Variants in LRP1B observed in about 807,000 individuals in gnomAD.
The protein encoded by LRP1B is LDL receptor related protein 1B, also known as low-density lipoprotein receptor-related protein 1B.
LRP1B carries 217 observed loss-of-function variants against 556.6 expected under a neutral mutation model. The ratio of observed to expected loss-of-function variants is 0.39; its 90% CI spans 0.35 to 0.44. LRP1B has a LOEUF of 0.44. Ranked by LOEUF, LRP1B falls within the 20% of genes least tolerant of loss-of-function variation. The pLI, the probability that LRP1B is intolerant of heterozygous loss-of-function variation, is 1.00. For synonymous variants in LRP1B, 2,047 were observed against 1,865.8 expected (o/e 1.10, Z -2.50); for missense variants, 5,053 against 5,620.8 (o/e 0.90, Z 3.23).
At chr2:140,297,740 G>A (rs2105000022) in intron 84 of LRP1B, 68 bp downstream of exon 84, 1 of 1,484,006 alleles carries the variant, frequency 6.7e-7, no homozygotes, top group Admixed American at 1.9e-5. Context: ...AATGGAAGGA[G>A]TGGATACAGG....
intron 2 of LRP1B, among the ~76,000 whole-genome samples, chr2:141,509,083 G>A (rs1684031429): frequency 6.6e-6 from 1 of 152,024 alleles, no homozygotes; most frequent in African/African-American, 2.4e-5. Context: ...TTGCAACTCC[G>A]GGTATCCATG....
Position 141,280,199 on chromosome 2 carries a change from T to C in LRP1B, c.344-25558A>G, listed in dbSNP as rs145517084. Among the ~76,000 whole-genome samples, 5 of 152,224 alleles carry C rather than the reference T, an allele frequency of 3.3e-5. No individual in the cohort carries two copies. The East Asian group carries it at 9.7e-4, about 29-fold the overall frequency. Reference sequence around the variant, plus strand: ...ATACATGCACATGCTCTGAATTACATTGCCTTTCCCCAAAGTGACCACATA... The same window carrying C: ...ATACATGCACATGCTCTGAATTACACTGCCTTTCCCCAAAGTGACCACATA... On this transcript the variant is annotated intron_variant, in intron 3 of 90. Coordinates refer to ENST00000389484, the MANE Select transcript of LRP1B (RefSeq NM_018557.3).
intron 2 of LRP1B, among the ~76,000 whole-genome samples, chr2:141,706,159 A>C (rs1284016815): frequency 6.6e-6 from 1 of 152,006 alleles, no homozygotes; most frequent in Non-Finnish European, 1.5e-5. Flanking sequence ...CCTCCAATGC[A>C]ATCTTTTCTA....
At chr2:141,418,447 T>C (rs1230932750) in intron 3 of LRP1B, among the ~76,000 whole-genome samples, 1 of 149,584 alleles carries the variant, frequency 6.7e-6, no homozygotes, top group African/African-American at 2.5e-5. Context: ...TTTTTTTTTT[T>C]GCATGTGGAT....
intron 1 of LRP1B, among the ~76,000 whole-genome samples, chr2:141,887,858 C>T (rs1172465606): frequency 2.0e-5 from 3 of 152,138 alleles, no homozygotes; most frequent in Admixed American, 2.0e-4. Flanking sequence ...CATGAGCACA[C>T]TACTTTCTCA....
At chr2:141,405,047 C>T (rs1460193779) in intron 3 of LRP1B, among the ~76,000 whole-genome samples, 2 of 151,724 alleles carry the variant, frequency 1.3e-5, no homozygotes, top group South Asian at 2.1e-4. Context: ...GAGCAGAGAT[C>T]GCACTACTGC....
At chr2:140,769,815 T>C (rs1462191028) in intron 34 of LRP1B, among the ~76,000 whole-genome samples, 1 of 98,636 alleles carries the variant, frequency 1.0e-5, no homozygotes, top group East Asian at 3.6e-4. Context: ...ACTGATACTT[T>C]TAATAGACAT....
At chr2:141,933,826 A>T (rs1185223500) in intron 1 of LRP1B, among the ~76,000 whole-genome samples, 1 of 152,182 alleles carries the variant, frequency 6.6e-6, no homozygotes, top group African/African-American at 2.4e-5. Flanking sequence ...ATGCTTCTTT[A>T]GGTCATTAGC....
chr2:141,824,185 C>T (rs1178674135), intron 1 of LRP1B, among the ~76,000 whole-genome samples: 4 of 152,064 alleles, frequency 2.6e-5, no homozygotes, highest in African/African-American at 9.7e-5. Flanking sequence ...ATTGAATGTT[C>T]ATTATGTGCC....
chr2:141,834,975 A>G (rs1697224676), intron 1 of LRP1B, among the ~76,000 whole-genome samples: 1 of 151,990 alleles, frequency 6.6e-6, no homozygotes, highest in South Asian at 2.1e-4. Flanking sequence ...GACTTAGGAT[A>G]TAAAGTCAAG....
chr2:140,524,030 G>A (rs1315084917), intron 49 of LRP1B, among the ~76,000 whole-genome samples: 3 of 151,626 alleles, frequency 2.0e-5, no homozygotes, highest in Admixed American at 1.3e-4. Flanking sequence ...TATCAACAGA[G>A]TAAACAGGTA....
rs532536487 is a variant in LRP1B at position 140,770,172 on chromosome 2, A to G, written c.5626+709T>C. ...GGGATAATAAGAGAACTACCTCATG[A>G]GGTTATGAGGATTAAGTGAATTAAT... On this transcript the variant is annotated intron_variant, in intron 34 of 90. Coordinates refer to ENST00000389484, the MANE Select transcript of LRP1B (RefSeq NM_018557.3). Among the ~76,000 whole-genome samples, 9 of 152,006 alleles carry G rather than the reference A, an allele frequency of 5.9e-5. No homozygotes were observed. The East Asian group carries it at 1.7e-3, about 29-fold the overall frequency.
At chr2:140,408,286 T>A (rs1403153069) in intron 66 of LRP1B, among the ~76,000 whole-genome samples, 1 of 151,780 alleles carries the variant, frequency 6.6e-6, no homozygotes, top group Non-Finnish European at 1.5e-5. Flanking sequence ...ATAAAATTCA[T>A]CCATTTAATC....
At chr2:141,874,899 G>T in intron 1 of LRP1B, among the ~76,000 whole-genome samples, 1 of 151,874 alleles carries the variant, frequency 6.6e-6, no homozygotes, top group East Asian at 1.9e-4. Flanking sequence ...ATTTAACTGT[G>T]CACCTTTGCT....
At chr2:141,913,720 A>G (rs1420629234) in intron 1 of LRP1B, among the ~76,000 whole-genome samples, 2 of 152,046 alleles carry the variant, frequency 1.3e-5, no homozygotes, top group African/African-American at 4.8e-5. Context: ...AATGAAACCA[A>G]TGGTATTCTG....
chr2:141,883,582 G>C (rs1699022912), intron 1 of LRP1B, among the ~76,000 whole-genome samples: 1 of 152,100 alleles, frequency 6.6e-6, no homozygotes, highest in African/African-American at 2.4e-5. Context: ...AAAATAGTCA[G>C]GTGTAGTGGC....
intron 43 of LRP1B, among the ~76,000 whole-genome samples, chr2:140,565,252 G>C (rs1301634770): frequency 1.2e-5 from 1 of 84,724 alleles, no homozygotes; most frequent in Non-Finnish European, 2.8e-5. Context: ...AAGATATGAT[G>C]AATATATGTC....
intron 3 of LRP1B, among the ~76,000 whole-genome samples, chr2:141,297,838 G>T (rs1279585524): frequency 1.3e-5 from 2 of 151,962 alleles, no homozygotes; most frequent in Non-Finnish European, 2.9e-5. Flanking sequence ...ACTTACCATT[G>T]TGTTACAATT....
intron 2 of LRP1B, among the ~76,000 whole-genome samples, chr2:141,535,083 A>T (rs537562401): frequency 6.6e-6 from 1 of 152,222 alleles, no homozygotes; most frequent in Non-Finnish European, 1.5e-5. Context: ...TGCACTTCCC[A>T]ATCACTTTTG....
Sources: gnomAD v4.1 joint callset for allele counts (sites outside exome capture counted in the v4.1 genomes callset) on GRCh38, gnomAD v4.1.1 for gene constraint, MANE v1.5 for transcripts, NCBI Gene and HGNC (gene_info 2026-07-23, HGNC 2026-07-21) for gene names.